DPP6: variants seen among roughly 807,000 people sequenced by gnomAD.
DPP6 encodes the protein dipeptidyl peptidase like 6, also known as A-type potassium channel modulatory protein DPP6.
Under a neutral mutation model 122.6 loss-of-function variants are expected in DPP6, and 69 were observed. That is an observed-to-expected ratio of 0.56 (90% CI 0.46 to 0.69). The LOEUF is 0.69. DPP6 is among the 30% of genes least tolerant of loss of function. The probability of loss-of-function intolerance (pLI) is 0.00; values close to 1 mark genes in which losing one functional copy is unlikely to be tolerated. For synonymous variants in DPP6, 418 were observed against 433.1 expected, an observed-to-expected ratio of 0.97 and a Z score of 0.43; for missense variants, 928 against 1,116.9, an observed-to-expected ratio of 0.83 and a Z score of 2.41.
chr7:153,970,344 T>C (rs1795961949), intron 1 of DPP6, among the ~76,000 whole-genome samples: 1 of 152,228 alleles, frequency 6.6e-6, no homozygotes, highest in African/African-American at 2.4e-5. Flanking sequence ...AGTTTATTAT[T>C]GGACATTGCC....
intron 1 of DPP6, among the ~76,000 whole-genome samples, chr7:154,120,735 A>T (rs1807389621): frequency 1.3e-5 from 2 of 152,200 alleles, no homozygotes; most frequent in African/African-American, 2.4e-5. Context: ...ACACATGAGG[A>T]ACTCTGGTTT....
intron 5 of DPP6, among the ~76,000 whole-genome samples, chr7:154,578,290 C>T (rs1455329384): frequency 2.0e-5 from 3 of 152,034 alleles, no homozygotes; most frequent in African/African-American, 4.8e-5. Flanking sequence ...TCATCATTGC[C>T]GAGCCTGGCG....
intron 1 of DPP6, among the ~76,000 whole-genome samples, chr7:154,012,428 C>T (rs1209326138): frequency 6.6e-6 from 1 of 152,108 alleles, no homozygotes; most frequent in African/African-American, 2.4e-5. Context: ...TTAGATGTGA[C>T]ACCAAATGCA....
intron 1 of DPP6, among the ~76,000 whole-genome samples, chr7:154,392,111 TA>T (rs1343929744): frequency 6.6e-6 from 1 of 152,048 alleles, no homozygotes; most frequent in Non-Finnish European, 1.5e-5. Flanking sequence ...CTGTCTCTAC[TA>T]AAAATACAAA....
chr7:153,812,940 G>T, the DPP6 span, among the ~76,000 whole-genome samples: 1 of 152,232 alleles, frequency 6.6e-6, no homozygotes, highest in East Asian at 1.9e-4. Flanking sequence ...TGCATCACTA[G>T]ATTTTAACGG....
At chr7:154,393,023 A>G (rs1188784571) in intron 1 of DPP6, among the ~76,000 whole-genome samples, 1 of 152,264 alleles carries the variant, frequency 6.6e-6, no homozygotes, top group Non-Finnish European at 1.5e-5. Flanking sequence ...CCCTGGAATT[A>G]GACTGGCTTG....
At chr7:154,739,785 G>A (rs1301637524) in intron 8 of DPP6, among the ~76,000 whole-genome samples, 1 of 152,208 alleles carries the variant, frequency 6.6e-6, no homozygotes, top group Non-Finnish European at 1.5e-5. Flanking sequence ...GTGAAGTGAT[G>A]AATGCAGTTC....
intron 6 of DPP6, among the ~76,000 whole-genome samples, chr7:154,664,053 C>T (rs1452990136): frequency 2.9e-5 from 3 of 102,188 alleles, no homozygotes; most frequent in African/African-American, 5.6e-5. Context: ...GCATATCGGC[C>T]GTAGTGTTCA....
chr7:154,854,253 T>C (rs1802639085), intron 17 of DPP6, among the ~76,000 whole-genome samples: 1 of 152,186 alleles, frequency 6.6e-6, no homozygotes, highest in Non-Finnish European at 1.5e-5. Context: ...TCTGCATCCA[T>C]GCTGCACAGG....
At chr7:154,318,797 C>CA (rs1170224728) in intron 1 of DPP6, among the ~76,000 whole-genome samples, 1 of 152,120 alleles carries the variant, frequency 6.6e-6, no homozygotes, top group Non-Finnish European at 1.5e-5. Flanking sequence ...CACTATACCC[C>CA]ACCCCCCCCA....
intron 2 of DPP6, among the ~76,000 whole-genome samples, chr7:154,471,426 A>C (rs1822264533): frequency 6.6e-6 from 1 of 152,166 alleles, no homozygotes; most frequent in South Asian, 2.1e-4. Context: ...GAAGTCAGGC[A>C]CAACAGGAGG....
At chr7:154,792,374 C>T (rs1797736481) in intron 10 of DPP6, among the ~76,000 whole-genome samples, 1 of 152,266 alleles carries the variant, frequency 6.6e-6, no homozygotes, top group African/African-American at 2.4e-5. Context: ...CCAGTTACAA[C>T]ATCATTAAAA....
At chr7:154,502,715 A>C (rs913889370) in intron 3 of DPP6, among the ~76,000 whole-genome samples, 1 of 152,098 alleles carries the variant, frequency 6.6e-6, no homozygotes, top group Non-Finnish European at 1.5e-5. Flanking sequence ...ACAACTTATG[A>C]GTTGAATTTG....
chr7:154,079,501 G>T (rs1206777608), intron 1 of DPP6, among the ~76,000 whole-genome samples: 3 of 152,208 alleles, frequency 2.0e-5, no homozygotes, highest in African/African-American at 7.2e-5. Flanking sequence ...GAGAGGCAAG[G>T]TGGAGCCTGC....
intron 1 of DPP6, among the ~76,000 whole-genome samples, chr7:154,445,719 A>T (rs888034959): frequency 1.3e-5 from 2 of 152,184 alleles, no homozygotes; most frequent in Non-Finnish European, 2.9e-5. Context: ...GGCACATAGC[A>T]TGTGCTAAAT....
intron 4 of DPP6, among the ~76,000 whole-genome samples, chr7:154,562,717 A>G (rs1241226599): frequency 2.0e-5 from 3 of 152,218 alleles, no homozygotes; most frequent in Non-Finnish European, 4.4e-5. Context: ...TATCTACCAG[A>G]ACAAATAATT....
intron 2 of DPP6, among the ~76,000 whole-genome samples, chr7:154,463,365 G>A (rs767028206): frequency 6.6e-5 from 10 of 151,768 alleles, no homozygotes; most frequent in East Asian, 3.9e-4. Flanking sequence ...GCGCCACCAC[G>A]CCCGGCTAAT....
At chr7:154,751,473 G>A (rs376130084) in intron 8 of DPP6, among the ~76,000 whole-genome samples, 14 of 151,758 alleles carry the variant, frequency 9.2e-5, no homozygotes, top group African/African-American at 3.4e-4. Context: ...AGTCGGGCGT[G>A]GTGGTGGGTG....
the DPP6 span, among the ~76,000 whole-genome samples, chr7:153,804,582 T>C: frequency 6.6e-6 from 1 of 152,090 alleles, no homozygotes. Context: ...GGTGCAAAAG[T>C]AATTGAGGTT....
Sources: allele counts gnomAD v4.1 joint callset (sites outside exome capture counted in the v4.1 genomes callset), GRCh38; gene constraint gnomAD v4.1.1; transcripts MANE v1.5; gene names NCBI Gene and HGNC (gene_info 2026-07-23, HGNC 2026-07-21).